DNAH9: variants seen among roughly 807,000 people sequenced by gnomAD.
DNAH9 encodes DNAH9 variant protein.
A neutral mutation model predicts 471.6 loss-of-function variants in DNAH9; 345 were observed. The observed-to-expected ratio is 0.73, with a 90% CI of 0.67 to 0.80. The LOEUF is 0.80. DNAH9 is among the 30% of genes least tolerant of loss of function. The probability of loss-of-function intolerance (pLI) is 0.00; values close to 1 mark genes in which losing one functional copy is unlikely to be tolerated. For synonymous variants in DNAH9, 2,093 were observed against 2,123.6 expected (o/e 0.99, Z 0.40); for missense variants, 5,407 against 5,609.2 (o/e 0.96, Z 1.15).
intron 28 of DNAH9, among the ~76,000 whole-genome samples, chr17:11,734,271 G>C (rs1185237861): frequency 2.6e-5 from 4 of 152,140 alleles, no homozygotes; most frequent in Non-Finnish European, 5.9e-5. Context: ...TAAAATCGGG[G>C]ACTGTGCCGC....
chr17:11,867,390 C>T (rs1295115088), intron 50 of DNAH9, among the ~76,000 whole-genome samples: 3 of 151,998 alleles, frequency 2.0e-5, no homozygotes, highest in African/African-American at 7.2e-5. Flanking sequence ...AGGAAATTTC[C>T]TCAAATTCTC....
chr17:11,759,077 A>G (rs1419243226), intron 35 of DNAH9, among the ~76,000 whole-genome samples: 1 of 102,050 alleles, frequency 9.8e-6, no homozygotes, highest in Non-Finnish European at 2.0e-5. Context: ...AAAATAGTCT[A>G]TCCCTGTTCT....
At chr17:11,804,915 C>A (rs1969611331) in intron 43 of DNAH9, among the ~76,000 whole-genome samples, 1 of 151,256 alleles carries the variant, frequency 6.6e-6, no homozygotes, top group Non-Finnish European at 1.5e-5. Flanking sequence ...GGAGTGGTGG[C>A]ATGCAAATGT....
chr17:11,948,919 C>T (rs915153911), intron 67 of DNAH9, among the ~76,000 whole-genome samples: 1 of 152,190 alleles, frequency 6.6e-6, no homozygotes, highest in African/African-American at 2.4e-5. Flanking sequence ...TCCCCTGGCC[C>T]TCTGTGGACT....
In DNAH9 at chr17:11,652,280, CTTTTTTTTTTT is replaced by C. The variant is rs11450398; in HGVS notation, c.2354-468_2354-458del. Among the ~76,000 whole-genome samples, 78 of 79,142 alleles carry C rather than the reference CTTTTTTTTTTT, an allele frequency of 9.9e-4. 2 individuals are homozygous for C. The highest frequency in any genetic ancestry group is 2.1e-4 in the African/African-American group (4 of 19,090). 51.9% of individuals were successfully genotyped at this position (79,142 alleles called of 152,430 possible). On this transcript the variant is annotated intron_variant, in intron 13 of 68. Coordinates refer to ENST00000262442, the MANE Select transcript of DNAH9 (RefSeq NM_001372.4). Reference sequence around the variant, plus strand: ...TAATCAGGATTATGGTAAGGGTAGGCTTTTTTTTTTTTTTTTTTTTTTTGAGACAGAGTCTC... The same window carrying C: ...TAATCAGGATTATGGTAAGGGTAGGCTTTTTTTTTTTTGAGACAGAGTCTC...
At chr17:11,919,292 G>A (rs548697998) in intron 61 of DNAH9, among the ~76,000 whole-genome samples, 4 of 151,966 alleles carry the variant, frequency 2.6e-5, no homozygotes, top group South Asian at 2.1e-4. Context: ...TCAGGAGATC[G>A]AGACCATCCT....
At chr17:11,601,732 C>G (rs758980631) in intron 1 of DNAH9, among the ~76,000 whole-genome samples, 92 of 152,194 alleles carry the variant, frequency 6.0e-4, no homozygotes, top group Non-Finnish European at 1.3e-3. Flanking sequence ...CTGTCCACCC[C>G]CTCTCCTCTC....
chr17:11,874,365 C>T (rs1311903428), intron 52 of DNAH9, among the ~76,000 whole-genome samples: 1 of 152,158 alleles, frequency 6.6e-6, no homozygotes, highest in Non-Finnish European at 1.5e-5. Context: ...AGTTCTCAGA[C>T]TGATAAATAC....
At chr17:11,616,304 G>T (rs778163058) in intron 4 of DNAH9, among the ~76,000 whole-genome samples, 2 of 152,176 alleles carry the variant, frequency 1.3e-5, no homozygotes, top group Non-Finnish European at 1.5e-5. Flanking sequence ...TATTGAAACT[G>T]CTTCCTAAAT....
chr17:11,598,852 C>T lies in DNAH9; in HGVS notation c.354C>T (p.Gly118=), dbSNP rs1426784215. Residue 118 remains glycine, a synonymous_variant, in exon 1 of 69, where the codon GGC becomes GGT. Transcript: ENST00000262442. The part of the protein sequence containing the change: ...PEPPGPDSFR[G]AVVCGDLPAA... ...CTCCAGGGCCCGACAGCTTCCGCGG[C>T]GCAGTGGTCTGCGGGGACCTGCCCG... 3 of 1,531,556 alleles carry T rather than the reference C, an allele frequency of 2.0e-6. No individual in the cohort carries two copies. The East Asian group carries it at 7.8e-5, about 40-fold the overall frequency. 94.9% of individuals were successfully genotyped at this position (1,531,556 alleles called of 1,614,324 possible).
At chr17:11,948,222 CTCTT>C (rs1360613582) in intron 67 of DNAH9, among the ~76,000 whole-genome samples, 3 of 133,742 alleles carry the variant, frequency 2.2e-5, no homozygotes, top group Non-Finnish European at 4.6e-5. Context: ...TCTAATCTGG[CTCTT>C]TTTTTTTTTT....
chr17:11,745,082 A>G lies in DNAH9; in HGVS notation c.6397A>G (p.Lys2133Glu), dbSNP rs190343373. Residue 2133 changes from lysine to glutamate, a missense_variant and splice_region_variant, in exon 31 of 69, where the codon AAG (lysine) becomes GAG (glutamate). This residue lies in a region of DNAH9 where 4,636 missense variants were observed against 4,900.3 expected (regional missense o/e 0.95). Coordinates refer to ENST00000262442, the MANE Select transcript of DNAH9 (RefSeq NM_001372.4). ...KLQAEDNFVLKVVQLEELLAV... is the reference protein window; with the variant it reads ...KLQAEDNFVLEVVQLEELLAV... The stretch of plus-strand genomic sequence containing the variant: ...CCAGGCTGAGGACAACTTTGTGCTC[A>G]AGGTACATGTGGTTTTTCCTCCCAG... 84 of 1,609,532 alleles carry G rather than the reference A, an allele frequency of 5.2e-5. No individual in the cohort carries two copies. The highest frequency in any genetic ancestry group is 7.0e-5 in the Non-Finnish European group (82 of 1,176,836).
intron 48 of DNAH9, among the ~76,000 whole-genome samples, chr17:11,824,636 T>C (rs1970424290): frequency 6.6e-6 from 1 of 152,216 alleles, no homozygotes; most frequent in African/African-American, 2.4e-5. Context: ...GTGTGTAATA[T>C]TGCTTCTTCT....
chr17:11,838,350 T>A (rs894557773), intron 49 of DNAH9, among the ~76,000 whole-genome samples: 1 of 152,204 alleles, frequency 6.6e-6, no homozygotes, highest in African/African-American at 2.4e-5. Context: ...CTTGTAGTGG[T>A]ATTACAGCTT....
intron 6 of DNAH9, among the ~76,000 whole-genome samples, chr17:11,624,383 C>T (rs575042280): frequency 1.1e-4 from 17 of 152,190 alleles, no homozygotes; most frequent in African/African-American, 2.6e-4. Flanking sequence ...GCGGCATACC[C>T]GTGTAATCCC....
At position 11,649,708 on chromosome 17, in the gene DNAH9, GA is replaced by G. The variant is rs914648236; in HGVS notation, c.2098-1354del. Among the ~76,000 whole-genome samples, 26 of 152,110 alleles carry G rather than the reference GA, an allele frequency of 1.7e-4. No individual in the cohort carries two copies. In the Middle Eastern group the frequency reaches 0.01, roughly 60 times the overall value. ...TAGTTTCCAGACTGTTGAACTAAAA[GA>G]AAAAAACTCAATGTTGTTCAATTTG... On this transcript the variant is annotated intron_variant, in intron 12 of 68. Transcript: ENST00000262442.
intron 43 of DNAH9, among the ~76,000 whole-genome samples, chr17:11,798,448 AAAAAAAAAAAGAG>A (rs1969333391): frequency 6.7e-6 from 1 of 149,038 alleles, no homozygotes; most frequent in Admixed American, 6.7e-5. Context: ...AAAAAAAAAA[AAAAAAAAAAAGAG>A]AGAGAGAGAG....
At chr17:11,689,429 G>A in intron 19 of DNAH9, 137 bp from the exon 20 acceptor site, 1 of 729,248 alleles carries the variant, frequency 1.4e-6, no homozygotes, top group Non-Finnish European at 2.3e-6. Context: ...TTCGTGAAAA[G>A]AATGTTTTTG....
In DNAH9 at chr17:11,690,069, A is replaced by T. The variant is rs191732050; in HGVS notation, c.4247A>T (p.Tyr1416Phe). 6.2e-7 allele frequency: 1 copy of T among 1,614,184 alleles called. No individual in the cohort carries two copies. Among genetic ancestry groups the T allele is most frequent in the Non-Finnish European group, 8.5e-7 (1 of 1,180,026 alleles). Reference sequence around the variant, plus strand: ...CTGCTGCAGCTCCAGCTGCACCACTATGAGGATGAGGTCCGGGGCATTGTG... The same window carrying T: ...CTGCTGCAGCTCCAGCTGCACCACTTTGAGGATGAGGTCCGGGGCATTGTG... ...AHLLQLQLHH[Y>F]EDEVRGIVDK... The change falls in exon 20 of 69, where the codon TAT (tyrosine) becomes TTT (phenylalanine). Residue 1416 changes from tyrosine (Y) to phenylalanine (F), a missense_variant. Around this residue, in one of 3 missense-constraint regions of DNAH9, gnomAD observed 4,636 missense variants for 4,900.3 expected, o/e 0.95. Coordinates refer to ENST00000262442, the MANE Select transcript of DNAH9 (RefSeq NM_001372.4).
Sources: allele counts gnomAD v4.1 joint callset (sites outside exome capture counted in the v4.1 genomes callset), GRCh38; gene constraint gnomAD v4.1.1; regional missense constraint gnomAD v4.1.1; transcripts MANE v1.5; gene names NCBI Gene and HGNC (gene_info 2026-07-23, HGNC 2026-07-21).